Variants in TIMP3 observed in about 807,000 individuals in gnomAD.
TIMP3 encodes TIMP metallopeptidase inhibitor 3, also known as metalloproteinase inhibitor 3.
A neutral mutation model predicts 30.0 loss-of-function variants in TIMP3; 11 were observed. The observed-to-expected ratio is 0.37, with a 90% CI of 0.23 to 0.61. TIMP3 has a LOEUF of 0.61. TIMP3 is among the 20% of genes least tolerant of loss of function. TIMP3 has a pLI of 0.70. For missense variants in TIMP3, 181 were observed against 276.8 expected, an observed-to-expected ratio of 0.65 and a Z score of 2.45; for synonymous variants, 112 against 111.3, an observed-to-expected ratio of 1.01 and a Z score of -0.04.
intron 1 of TIMP3, among the ~76,000 whole-genome samples, chr22:32,845,458 G>A (rs185218065): frequency 1.8e-4 from 28 of 152,186 alleles, no homozygotes; most frequent in South Asian, 4.2e-4. Flanking sequence ...CCAAAGTGCT[G>A]GGATTACAGT....
chr22:32,846,056 CTT>C (rs1012108062), intron 1 of TIMP3, among the ~76,000 whole-genome samples: 2 of 152,114 alleles, frequency 1.3e-5, no homozygotes, highest in African/African-American at 4.8e-5. Context: ...CAGAATGTAA[CTT>C]AATTTTAGTT....
intron 1 of TIMP3, among the ~76,000 whole-genome samples, chr22:32,813,530 CACACACGT>C (rs1446646217): frequency 7.6e-5 from 11 of 145,434 alleles, no homozygotes; most frequent in African/African-American, 2.8e-4. Flanking sequence ...CACACACACA[CACACACGT>C]GGACCAAACA....
rs181464871 is a variant in TIMP3, at chr22:32,844,675, A to T, written c.122-4777A>T. 6.6e-5 allele frequency among the ~76,000 whole-genome samples: 10 copies of T among 151,516 alleles called. No individual in the cohort carries two copies. The East Asian group carries it at 1.9e-3, about 29-fold the overall frequency. On this transcript the variant is annotated intron_variant, in intron 1 of 4. Transcript: ENST00000266085. ...ATACTTTTACATTGAAATACTGCTT[A>T]TTCCTTAATCAATCTCTTCCTTGTT...
Position 32,859,338 on chromosome 22 carries a change from C to A in TIMP3, c.597C>A (p.Ala199=), listed in dbSNP as rs1387141929. 2 of 1,613,176 alleles carry A rather than the reference C, an allele frequency of 1.2e-6. No homozygotes were observed. Among genetic ancestry groups the A allele is most frequent in the Admixed American group, 1.7e-5 (1 of 59,990 alleles). The stretch of plus-strand genomic sequence containing the variant: ...ACTGCAGCTGGTACCGAGGATGGGC[C>A]CCCCCGGATAAAAGCATCATCAATG... ...GGYCSWYRGW[A]PPDKSIINAT... Residue 199 remains alanine, a synonymous_variant, in exon 5 of 5, where the codon GCC becomes GCA. Transcript: ENST00000266085.
At chr22:32,823,446 C>T (rs1300813757) in intron 1 of TIMP3, among the ~76,000 whole-genome samples, 1 of 152,130 alleles carries the variant, frequency 6.6e-6, no homozygotes, top group African/African-American at 2.4e-5. Flanking sequence ...AAGGGAGTCT[C>T]CTCTCAGAAA....
intron 1 of TIMP3, among the ~76,000 whole-genome samples, chr22:32,827,373 C>G (rs1569256150): frequency 6.6e-6 from 1 of 152,362 alleles, no homozygotes; most frequent in Middle Eastern, 3.4e-3. Context: ...TGCCACCCTA[C>G]CCCGTTTCCT....
At chr22:32,827,882 C>T (rs182152987) in intron 1 of TIMP3, among the ~76,000 whole-genome samples, 59 of 152,344 alleles carry the variant, frequency 3.9e-4, no homozygotes, top group African/African-American at 1.4e-3. Flanking sequence ...CCCCCAGATA[C>T]TCACTGGCTG....
chr22:32,859,446 C>A lies in TIMP3; in HGVS notation c.*69C>A. 1 of 1,525,962 alleles carries A rather than the reference C, an allele frequency of 6.6e-7. No individual in the cohort carries two copies. The highest frequency in any genetic ancestry group is 1.7e-4 in the Middle Eastern group (1 of 5,848). The allele number at this position is 1,525,962 out of a possible 1,614,324, so 94.5% of individuals were successfully genotyped here. A position where few individuals can be genotyped will look rare whatever the true frequency, so the allele number is the denominator to read the frequency against. On this transcript the variant is annotated 3_prime_UTR_variant, in exon 5 of 5. Transcript: ENST00000266085. ...GCTTCCCTTGGACACTAACTCTTCC[C>A]AGATGATGACAATGAAATTAGTGCC... is the stretch of plus-strand genomic sequence containing the variant.
chr22:32,846,176 G>A (rs1315900540), intron 1 of TIMP3, among the ~76,000 whole-genome samples: 1 of 152,214 alleles, frequency 6.6e-6, no homozygotes, highest in African/African-American at 2.4e-5. Flanking sequence ...TGTTTGGCTG[G>A]TCTTAGTAGG....
chr22:32,831,622 G>T (rs1184188373), intron 1 of TIMP3, among the ~76,000 whole-genome samples: 1 of 152,124 alleles, frequency 6.6e-6, no homozygotes, highest in Non-Finnish European at 1.5e-5. Context: ...TATCTTCTCG[G>T]CATTCTTTAG....
Position 32,859,519 on chromosome 22 carries a change from G to A in TIMP3, c.*142G>A. ...TTGGAACATTTAAAGAAAGGTCTAT[G>A]CTGTCATATGGGGTTTATTGGGAAC... On this transcript the variant is annotated 3_prime_UTR_variant, in exon 5 of 5. Coordinates refer to ENST00000266085, the MANE Select transcript of TIMP3 (RefSeq NM_000362.5). 1 of 1,078,500 alleles carries A rather than the reference G, an allele frequency of 9.3e-7. No individual in the cohort carries two copies. Among genetic ancestry groups the A allele is most frequent in the East Asian group, 2.6e-5 (1 of 38,678 alleles). The allele number at this position is 1,078,500 out of a possible 1,614,324, so 66.8% of individuals were successfully genotyped here. A position where few individuals can be genotyped will look rare whatever the true frequency, so the allele number is the denominator to read the frequency against.
At chr22:32,820,273 TGTGTGTGTGTGTGTG>T (rs988481493) in intron 1 of TIMP3, among the ~76,000 whole-genome samples, 11 of 150,004 alleles carry the variant, frequency 7.3e-5, no homozygotes, top group Non-Finnish European at 1.6e-4. Flanking sequence ...CGTGCGCGTG[TGTGTGTGTGTGTGTG>T]GTGTGTGTGG....
intron 1 of TIMP3, among the ~76,000 whole-genome samples, chr22:32,842,771 A>C (rs545371558): frequency 6.6e-6 from 1 of 152,272 alleles, no homozygotes; most frequent in East Asian, 1.9e-4. Context: ...GGGGAGCACA[A>C]AGGTCTAAAC....
At chr22:32,839,926 A>C (rs2047844668) in intron 1 of TIMP3, among the ~76,000 whole-genome samples, 2 of 151,888 alleles carry the variant, frequency 1.3e-5, no homozygotes, top group African/African-American at 2.4e-5. Flanking sequence ...AGTTTTTCCC[A>C]GACCGCTCAA....
intron 1 of TIMP3, chr22:32,833,730 G>A (rs973900452): frequency 2.0e-6 from 1 of 491,590 alleles, no homozygotes; most frequent in South Asian, 1.4e-5. Context: ...ATGATCTGGG[G>A]AGAGTCACTT....
intron 1 of TIMP3, among the ~76,000 whole-genome samples, chr22:32,836,008 G>C (rs1165716664): frequency 6.6e-6 from 1 of 152,196 alleles, no homozygotes; most frequent in Non-Finnish European, 1.5e-5. Context: ...TTGACTTGGT[G>C]GGGTGTTTCA....
At chr22:32,841,871 T>C (rs139683947) in intron 1 of TIMP3, among the ~76,000 whole-genome samples, 3 of 151,994 alleles carry the variant, frequency 2.0e-5, no homozygotes, top group African/African-American at 7.2e-5. Flanking sequence ...AAAAAAAAAG[T>C]TCATGAGAGT....
intron 1 of TIMP3, among the ~76,000 whole-genome samples, chr22:32,838,126 A>G (rs572318444): frequency 6.6e-6 from 1 of 152,298 alleles, no homozygotes; most frequent in South Asian, 2.1e-4. Flanking sequence ...AAAGGTAGGA[A>G]CCTTGTCTGC....
rs536441662 is a variant in TIMP3 at position 32,845,308 on chromosome 22, TGCCTCA to T, written c.122-4138_122-4133del. 7.0e-4 allele frequency among the ~76,000 whole-genome samples: 107 copies of T among 152,228 alleles called. 1 individual carries two copies. Among genetic ancestry groups the T allele is most frequent in the Non-Finnish European group, 9.1e-4 (62 of 68,022 alleles). On this transcript the variant is annotated intron_variant, in intron 1 of 4. Coordinates refer to ENST00000266085, the MANE Select transcript of TIMP3 (RefSeq NM_000362.5). The stretch of plus-strand genomic sequence containing the variant: ...ACCTCCTGGGTTCAAGTGATTCTCC[TGCCTCA>T]GCCTCCCAAGTAGCTGGGACTACAG...
Sources: gnomAD v4.1 joint callset for allele counts (sites outside exome capture counted in the v4.1 genomes callset) on GRCh38, gnomAD v4.1.1 for gene constraint, MANE v1.5 for transcripts, NCBI Gene and HGNC (gene_info 2026-07-23, HGNC 2026-07-21) for gene names.